Variants in C16orf96 observed in about 807,000 individuals in gnomAD.
The protein encoded by C16orf96 is uncharacterized protein C16orf96.
Under a neutral mutation model 103.6 loss-of-function variants are expected in C16orf96, and 108 were observed. The ratio of observed to expected loss-of-function variants is 1.04; its 90% confidence interval spans 0.89 to 1.22. The LOEUF (loss-of-function observed/expected upper bound fraction) is 1.22. C16orf96 is among the 50% of genes most tolerant of loss of function. The pLI is 0.00. For missense variants in C16orf96, 1,586 were observed against 1,464.2 expected (o/e 1.08, Z -1.36); for synonymous variants, 566 against 593.5 (o/e 0.95, Z 0.67).
At chr16:4,566,212 T>G (rs1431823588) in intron 1 of C16orf96, among the ~76,000 whole-genome samples, 2 of 152,184 alleles carry the variant, frequency 1.3e-5, no homozygotes, top group Non-Finnish European at 2.9e-5. Context: ...AGGATTAGAA[T>G]CAGAGATCAT....
chr16:4,588,082 A>C, intron 8 of C16orf96, 85 bp from the exon 9 acceptor site: 1 of 1,388,086 alleles, frequency 7.2e-7, no homozygotes, highest in Non-Finnish European at 9.7e-7. Context: ...AACTAGAAGC[A>C]TCAGACCCAA....
intron 8 of C16orf96, among the ~76,000 whole-genome samples, chr16:4,587,672 T>A (rs1334484498): frequency 6.6e-6 from 1 of 152,012 alleles, no homozygotes; most frequent in Non-Finnish European, 1.5e-5. Flanking sequence ...GGGTGGCTCA[T>A]ACCTGTAATC....
intron 1 of C16orf96, among the ~76,000 whole-genome samples, chr16:4,557,181 G>C (rs556748842): frequency 6.6e-6 from 1 of 152,248 alleles, no homozygotes; most frequent in African/African-American, 2.4e-5. Context: ...TGTTGGCCAG[G>C]CTGGTCTCAA....
At chr16:4,572,043 G>T (rs946222981) in intron 2 of C16orf96, among the ~76,000 whole-genome samples, 2 of 151,490 alleles carry the variant, frequency 1.3e-5, no homozygotes, top group Non-Finnish European at 2.9e-5. Flanking sequence ...AGAGACAGGG[G>T]TTCATCTTGT....
the C16orf96 span, among the ~76,000 whole-genome samples, chr16:4,544,030 T>C: frequency 6.6e-6 from 1 of 152,062 alleles, no homozygotes; most frequent in Non-Finnish European, 1.5e-5. Context: ...GAAGGGGCTC[T>C]AGGATGGATC....
At chr16:4,588,364 C>G (rs1364926123) in intron 9 of C16orf96, 33 bp downstream of exon 9, 1 of 1,530,542 alleles carries the variant, frequency 6.5e-7, no homozygotes, top group Non-Finnish European at 8.8e-7. Context: ...TCACTTTATT[C>G]CTAACAAATT....
In C16orf96 at chr16:4,576,271, G is replaced by C; in HGVS notation, c.1791G>C (p.Lys597Asn). 6.4e-7 allele frequency: 1 copy of C among 1,550,754 alleles called. No individual in the cohort carries two copies. The change falls in exon 5 of 16, where the codon AAG becomes AAC. Residue 597 changes from lysine (K) to asparagine (N), a missense_variant. Lys to Asn is a moderately conservative substitution (Grantham distance 94). Coordinates refer to ENST00000444310, the MANE Select transcript of C16orf96 (RefSeq NM_001145011.2). The stretch of plus-strand genomic sequence containing the variant: ...CCAAAGTTGCTGCCAAGTTTGTCAA[G>C]GATGCCCCAGCCACCAAAATGGCCG... Reference protein sequence around the residue: ...QAAKVAAKFVKDAPATKMAAI... With the variant: ...QAAKVAAKFVNDAPATKMAAI...
At chr16:4,571,855 CT>C (rs879765910) in intron 2 of C16orf96, among the ~76,000 whole-genome samples, 190 bp downstream of exon 2, 140 of 140,480 alleles carry the variant, frequency 1.0e-3, no homozygotes, top group East Asian at 1.5e-3. Context: ...CTTTTCTTTT[CT>C]TTTTTTTTTT....
At chr16:4,572,253 A>C (rs1567443581) in intron 2 of C16orf96, among the ~76,000 whole-genome samples, 1 of 151,882 alleles carries the variant, frequency 6.6e-6, no homozygotes, top group Admixed American at 6.6e-5. Flanking sequence ...TGTCTCATTT[A>C]CTAAAAGGTC....
At chr16:4,580,310 A>C (rs867834640) in intron 7 of C16orf96, among the ~76,000 whole-genome samples, 185 bp downstream of exon 7, 2,017 of 104,170 alleles carry the variant, frequency 0.019, no homozygotes, top group Non-Finnish European at 0.025. Context: ...GAATCCCACC[A>C]CCCCCCCCCA....
chr16:4,573,745 C>G (rs752740918), intron 2 of C16orf96, among the ~76,000 whole-genome samples: 1 of 130,120 alleles, frequency 7.7e-6, no homozygotes, highest in Non-Finnish European at 1.6e-5. Flanking sequence ...GAGTGAGACT[C>G]TGTCTCAAAA....
At chr16:4,599,219 G>C (rs1013926423) in intron 14 of C16orf96, 65 bp from the exon 15 acceptor site, 43 of 1,414,160 alleles carry the variant, frequency 3.0e-5, no homozygotes, top group Admixed American at 1.2e-4. Context: ...CCAGTGCTGG[G>C]ATCGGCCTGA....
chr16:4,546,313 C>G, the C16orf96 span, among the ~76,000 whole-genome samples: 1 of 151,646 alleles, frequency 6.6e-6, no homozygotes, highest in Non-Finnish European at 1.5e-5. Context: ...CGCCCGCTAC[C>G]GCGCCCAGCT....
chr16:4,559,751 C>A (rs1306189598), intron 1 of C16orf96, among the ~76,000 whole-genome samples: 2 of 152,082 alleles, frequency 1.3e-5, no homozygotes, highest in Non-Finnish European at 2.9e-5. Context: ...CCCTATTTCC[C>A]CTTTACTTCT....
chr16:4,574,676 A>AC (rs2059478844), intron 2 of C16orf96, 33 bp from the exon 3 acceptor site: 2 of 1,527,644 alleles, frequency 1.3e-6, no homozygotes, highest in South Asian at 1.2e-5. Context: ...CAGAACCTGG[A>AC]CCCCCAGTCC....
At chr16:4,599,171 C>A (rs1897235034) in intron 14 of C16orf96, 113 bp from the exon 15 acceptor site, 3 of 824,378 alleles carry the variant, frequency 3.6e-6, no homozygotes, top group Non-Finnish European at 2.0e-6. Context: ...GACCGGGGAG[C>A]CTGGGAAATG....
At chr16:4,589,163 G>A (rs1291078223) in intron 9 of C16orf96, among the ~76,000 whole-genome samples, 1 of 152,148 alleles carries the variant, frequency 6.6e-6, no homozygotes. Flanking sequence ...CTCCAGGGCG[G>A]TCGCCAACCA....
At chr16:4,590,083 G>A (rs558770864) in intron 9 of C16orf96, among the ~76,000 whole-genome samples, 25 of 151,538 alleles carry the variant, frequency 1.6e-4, no homozygotes, top group South Asian at 4.2e-4. Context: ...CCGAGATAGC[G>A]CCACTGCACT....
chr16:4,551,357 G>A (rs564356226), upstream of C16orf96, among the ~76,000 whole-genome samples: 1 of 152,292 alleles, frequency 6.6e-6, no homozygotes, highest in South Asian at 2.1e-4. Flanking sequence ...CTACAGCTCA[G>A]CTTCATGCTT....
Sources: allele counts gnomAD v4.1 joint callset (sites outside exome capture counted in the v4.1 genomes callset), GRCh38; gene constraint gnomAD v4.1.1; transcripts MANE v1.5; gene names NCBI Gene and HGNC (gene_info 2026-07-23, HGNC 2026-07-21).